MID2: variants seen among roughly 807,000 people sequenced by gnomAD.
MID2 encodes the protein probable E3 ubiquitin-protein ligase MID2.
A neutral mutation model predicts 46.1 loss-of-function variants in MID2; 13 were observed. That is an observed-to-expected ratio of 0.28 (90% CI 0.18 to 0.45). MID2 has a LOEUF of 0.45. MID2 is among the 20% of genes least tolerant of loss of function. The pLI is 1.00. For missense variants in MID2, 431 were observed against 575.4 expected (o/e 0.75, Z 2.57); for synonymous variants, 199 against 212.3 (o/e 0.94, Z 0.55).
chrX:107,910,230 C>T (rs1479252797), intron 5 of MID2, among the ~76,000 whole-genome samples: 1 of 111,472 alleles, frequency 9.0e-6, no homozygotes, highest in African/African-American at 3.3e-5. Context: ...CAGATTCCAC[C>T]TATGTGCGAG....
rs148588143 is a variant in MID2 at position 107,877,772 on chromosome X, G to A, written c.816+23068G>A. Among the ~76,000 whole-genome samples, 56 of 111,809 alleles carry A rather than the reference G, an allele frequency of 5.0e-4. 2 individuals carry two copies. The highest frequency in any genetic ancestry group is 4.7e-3 in the Admixed American group (50 of 10,597). ...TGTCCTACCCATTTATACTGTGCCT[G>A]TTGCCTCACTTGGGATTCTTCAGAT... is the stretch of plus-strand genomic sequence containing the variant. On this transcript the variant is annotated intron_variant, in intron 3 of 9. Transcript: ENST00000262843.
rs59717985 is a variant in MID2, at chrX:107,870,753, C to CTTTTT, written c.816+16063_816+16067dup. On this transcript the variant is annotated intron_variant, in intron 3 of 9. Coordinates refer to ENST00000262843, the MANE Select transcript of MID2 (RefSeq NM_012216.4). Reference sequence around the variant, plus strand: ...AATCAGCAAGCACTACAAATTGCGGCTTTTTTTTTTTTTTTTTTGAGAGCC... The same window carrying CTTTTT: ...AATCAGCAAGCACTACAAATTGCGGCTTTTTTTTTTTTTTTTTTTTTTTGAGAGCC... Among the ~76,000 whole-genome samples the CTTTTT allele has an allele frequency of 6.3e-4, 47 of 74,182 alleles. 2 individuals carry two copies. Among genetic ancestry groups the CTTTTT allele is most frequent in the African/African-American group, 2.2e-3 (46 of 20,446 alleles). The allele number at this position is 74,182 out of a possible 115,157, so 64.4% of individuals were successfully genotyped here.
At chrX:107,882,061 A>G (rs1025324663) in intron 3 of MID2, among the ~76,000 whole-genome samples, 2 of 111,950 alleles carry the variant, frequency 1.8e-5, no homozygotes, top group African/African-American at 6.5e-5. Context: ...ACACATCTAC[A>G]ATCATCTGAT....
At chrX:107,890,451 A>G (rs1932572895) in intron 3 of MID2, among the ~76,000 whole-genome samples, 1 of 111,856 alleles carries the variant, frequency 8.9e-6, no homozygotes, top group Non-Finnish European at 1.9e-5. Flanking sequence ...TGAACAGCAG[A>G]TGTTGCTGCC....
At chrX:107,898,854 G>A (rs1162948982) in intron 3 of MID2, among the ~76,000 whole-genome samples, 1 of 112,261 alleles carries the variant, frequency 8.9e-6, no homozygotes, top group Non-Finnish European at 1.9e-5. Flanking sequence ...TTACTGTGTA[G>A]AGTGGAGAGC....
At chrX:107,891,038 G>A (rs1026310898) in intron 3 of MID2, among the ~76,000 whole-genome samples, 1 of 110,223 alleles carries the variant, frequency 9.1e-6, no homozygotes, top group African/African-American at 3.3e-5. Flanking sequence ...CTAGGAAAGG[G>A]AATTCCCTGA....
chrX:107,841,993 AAAAAC>A lies in MID2; in HGVS notation c.720+632_720+636del, dbSNP rs1008321315. 7.1e-5 allele frequency among the ~76,000 whole-genome samples: 8 copies of A among 112,889 alleles called. No individual in the cohort carries two copies. The East Asian group carries it at 8.3e-4, about 12-fold the overall frequency. Reference sequence around the variant, plus strand: ...TAGGGCTAATTCTAAGCCTGCCTTTAAAAACAAAACAAAACAAAACAAAACAAAGA... The same window carrying A: ...TAGGGCTAATTCTAAGCCTGCCTTTAAAAACAAAACAAAACAAAACAAAGA... On this transcript the variant is annotated intron_variant, in intron 2 of 9. Coordinates refer to ENST00000262843, the MANE Select transcript of MID2 (RefSeq NM_012216.4).
Position 107,919,307 on chromosome X carries a change from A to G in MID2, c.1435+1568A>G, listed in dbSNP as rs937449223. On this transcript the variant is annotated intron_variant, in intron 7 of 9. Coordinates refer to ENST00000262843, the MANE Select transcript of MID2 (RefSeq NM_012216.4). The stretch of plus-strand genomic sequence containing the variant: ...TTAACTCTACTTTATAGATGAAGAA[A>G]CTGGGGCTCAGGTTGAGTGAGTTGC... 1.3e-4 allele frequency among the ~76,000 whole-genome samples: 15 copies of G among 111,525 alleles called. No individual in the cohort carries two copies. The Admixed American group carries it at 1.4e-3, about 11-fold the overall frequency.
intron 7 of MID2, among the ~76,000 whole-genome samples, chrX:107,923,967 T>C (rs1274599405): frequency 8.9e-6 from 1 of 112,078 alleles, no homozygotes; most frequent in Non-Finnish European, 1.9e-5. Context: ...GCTCCATCCA[T>C]ACAAGACCAA....
chrX:107,917,957 G>A (rs1030872805), intron 7 of MID2, among the ~76,000 whole-genome samples: 1 of 111,448 alleles, frequency 9.0e-6, no homozygotes, highest in African/African-American at 3.3e-5. Context: ...GTACAGCTTG[G>A]TACTTGTTCC....
chrX:107,826,235 G>A lies in MID2; in HGVS notation c.-192G>A. The A allele has an allele frequency of 2.7e-6, 1 of 374,102 alleles. No homozygotes were observed. Among genetic ancestry groups the A allele is most frequent in the Non-Finnish European group, 4.0e-6 (1 of 247,312 alleles). 30.8% of individuals were successfully genotyped at this position (374,102 alleles called of 1,213,427 possible). A position where few individuals can be genotyped will look rare whatever the true frequency, so the allele number is the denominator to read the frequency against. On this transcript the variant is annotated 5_prime_UTR_variant, in exon 1 of 10. Coordinates refer to ENST00000262843, the MANE Select transcript of MID2 (RefSeq NM_012216.4). ...CGGGGCGCGCGGGCTGGCGGATCCC[G>A]GCTGCTGCGCGGCGTCGGCGACGGT...
intron 3 of MID2, among the ~76,000 whole-genome samples, chrX:107,890,657 A>G (rs1286656721): frequency 3.6e-5 from 4 of 111,926 alleles, no homozygotes; most frequent in Non-Finnish European, 7.5e-5. Flanking sequence ...TCAGACAGGG[A>G]CATTTAAGTC....
At chrX:107,878,928 G>A (rs1169615166) in intron 3 of MID2, among the ~76,000 whole-genome samples, 1 of 112,018 alleles carries the variant, frequency 8.9e-6, no homozygotes, top group African/African-American at 3.2e-5. Context: ...CGAGTGCAGG[G>A]GTGCTAGAAC....
chrX:107,923,072 G>A (rs760794884), intron 7 of MID2, among the ~76,000 whole-genome samples: 95 of 111,768 alleles, frequency 8.5e-4, no homozygotes, highest in African/African-American at 2.8e-3. Context: ...GCCCTCCATC[G>A]TTTCTTTTAC....
chrX:107,855,212 C>T (rs953844183), intron 3 of MID2, among the ~76,000 whole-genome samples: 1 of 111,569 alleles, frequency 9.0e-6, no homozygotes, highest in African/African-American at 3.3e-5. Context: ...ACCTGGTCCT[C>T]ACTCATTACC....
intron 2 of MID2, among the ~76,000 whole-genome samples, chrX:107,843,848 G>A (rs1199915723): frequency 1.8e-5 from 2 of 110,292 alleles, no homozygotes; most frequent in African/African-American, 6.6e-5. Flanking sequence ...CTTCCCCAAG[G>A]AGAAAGGGAG....
intron 3 of MID2, among the ~76,000 whole-genome samples, chrX:107,892,899 A>G (rs2147856276): frequency 8.9e-6 from 1 of 112,480 alleles, no homozygotes; most frequent in African/African-American, 3.2e-5. Context: ...CACTCCTCAA[A>G]CAGGTAACTG....
chrX:107,857,524 AC>A lies in MID2; in HGVS notation c.816+2823del, dbSNP rs760652453. Among the ~76,000 whole-genome samples the A allele has an allele frequency of 2.8e-3, 311 of 110,862 alleles. 1 individual carries two copies. The highest frequency in any genetic ancestry group is 9.8e-3 in the African/African-American group (299 of 30,471). ...TTGAACTCCTGAGCTCAGGCAATCC[AC>A]CCGCCTTGGCCTCCCAAAGTGCTAG... On this transcript the variant is annotated intron_variant, in intron 3 of 9. Transcript: ENST00000262843.
At chrX:107,888,308 G>C (rs1465991389) in intron 3 of MID2, among the ~76,000 whole-genome samples, 1 of 111,911 alleles carries the variant, frequency 8.9e-6, no homozygotes, top group Non-Finnish European at 1.9e-5. Context: ...GTGTCCCAGA[G>C]GTTCTGGTAT....
Sources: allele counts gnomAD v4.1 joint callset (sites outside exome capture counted in the v4.1 genomes callset), GRCh38; gene constraint gnomAD v4.1.1; transcripts MANE v1.5; gene names NCBI Gene and HGNC (gene_info 2026-07-23, HGNC 2026-07-21).